The following TUBA1C variants were observed in gnomAD, a reference collection of about 807,000 sequenced individuals.
TUBA1C encodes tubulin alpha-1C chain.
Under a neutral mutation model 34.9 loss-of-function variants are expected in TUBA1C, and 16 were observed. The observed-to-expected ratio is 0.46, with a 90% CI of 0.31 to 0.70. The LOEUF (loss-of-function observed/expected upper bound fraction) is 0.70, where lower values mean the gene tolerates loss of function less well. Among genes scored for constraint, TUBA1C ranks in the 30% least tolerant of loss-of-function variants. The pLI is 0.05. For missense variants in TUBA1C, 329 were observed against 587.3 expected (o/e 0.56, Z 4.55); for synonymous variants, 177 against 215.9 (o/e 0.82, Z 1.58).
At chr12:49,231,211 C>T (rs1208760017) in intron 1 of TUBA1C, among the ~76,000 whole-genome samples, 1 of 152,182 alleles carries the variant, frequency 6.6e-6, no homozygotes, top group Admixed American at 6.5e-5. Flanking sequence ...ATTGCCCAGG[C>T]TGTAGTGCAA....
chr12:49,258,245 G>A (rs1369218863), intron 1 of TUBA1C, among the ~76,000 whole-genome samples: 1 of 152,088 alleles, frequency 6.6e-6, no homozygotes, highest in Admixed American at 6.6e-5. Flanking sequence ...TAGCCTAAGT[G>A]TCAGTGTTTA....
rs1254017336 is a variant in TUBA1C, at chr12:49,273,141, C to G, written c.1264C>G (p.Arg422Gly). 4 of 1,614,004 alleles carry G rather than the reference C, an allele frequency of 2.5e-6. No homozygotes were observed. The highest frequency in any genetic ancestry group is 2.5e-6 in the Non-Finnish European group (3 of 1,180,042). Residue 422 changes from arginine (R) to glycine (G), a missense_variant, in exon 4 of 4, where the codon CGT becomes GGT. Physicochemically the swap from Arg to Gly is moderately radical, Grantham distance 125 (BLOSUM62 -2). Transcript: ENST00000301072. ...GGAGGAAGGCGAGTTTTCAGAGGCCCGTGAGGACATGGCTGCCCTTGAGAA... is the reference window on the plus strand; with the variant it reads ...GGAGGAAGGCGAGTTTTCAGAGGCCGGTGAGGACATGGCTGCCCTTGAGAA... ...GMEEGEFSEAREDMAALEKDY... is the reference protein window; with the variant it reads ...GMEEGEFSEAGEDMAALEKDY...
intron 1 of TUBA1C, among the ~76,000 whole-genome samples, chr12:49,240,716 T>C (rs994310090): frequency 1.3e-5 from 2 of 152,122 alleles, no homozygotes; most frequent in African/African-American, 4.8e-5. Context: ...GCCTTCCGAG[T>C]AGCTGGCACT....
At chr12:49,241,713 G>T (rs1398731935) in intron 1 of TUBA1C, among the ~76,000 whole-genome samples, 1 of 148,246 alleles carries the variant, frequency 6.7e-6, no homozygotes, top group Admixed American at 6.8e-5. Context: ...GCAATGGCGC[G>T]ATCTCAGCTC....
intron 1 of TUBA1C, among the ~76,000 whole-genome samples, chr12:49,248,553 T>C (rs1200893086): frequency 7.2e-6 from 1 of 139,438 alleles, no homozygotes; most frequent in Non-Finnish European, 1.5e-5. Flanking sequence ...ACAGCGAAAC[T>C]CTGTCTCAGA....
At chr12:49,249,905 T>A (rs368439507) in intron 1 of TUBA1C, among the ~76,000 whole-genome samples, 5 of 150,010 alleles carry the variant, frequency 3.3e-5, no homozygotes, top group South Asian at 2.1e-4. Context: ...GCGAAAAAAA[T>A]TTTTAAAAAG....
chr12:49,265,271 G>A, intron 1 of TUBA1C, 87 bp downstream of exon 1: 1 of 1,138,814 alleles, frequency 8.8e-7, no homozygotes, highest in Non-Finnish European at 1.2e-6. Flanking sequence ...CTCGGGCCGC[G>A]CCCAGGACAG....
chr12:49,245,723 T>G (rs1002453051), intron 1 of TUBA1C, among the ~76,000 whole-genome samples: 6 of 152,156 alleles, frequency 3.9e-5, no homozygotes, highest in Non-Finnish European at 8.8e-5. Flanking sequence ...TTTGCCAGGG[T>G]GGGGACTGCT....
intron 1 of TUBA1C, among the ~76,000 whole-genome samples, chr12:49,235,624 A>T: frequency 6.6e-6 from 1 of 151,402 alleles, no homozygotes; most frequent in East Asian, 1.9e-4. Flanking sequence ...AATTCCAGCT[A>T]CTCGGGAGGC....
chr12:49,231,697 T>TAGAC lies in TUBA1C; in HGVS notation c.213+3551_213+3554dup, dbSNP rs541221185. On this transcript the variant is annotated intron_variant, in intron 1 of 3. Transcript: ENST00000541364. The stretch of plus-strand genomic sequence containing the variant: ...AAAAAATAGATGATAGATAGATAGA[T>TAGAC]AGACAGACAGACAGACAGACAGATA... Among the ~76,000 whole-genome samples the TAGAC allele has an allele frequency of 8.5e-3, 1,272 of 150,506 alleles. 40 individuals are homozygous for TAGAC. The South Asian group carries it at 0.11, about 13-fold the overall frequency.
At chr12:49,268,508 G>A (rs1316426598) in intron 1 of TUBA1C, among the ~76,000 whole-genome samples, 1 of 151,934 alleles carries the variant, frequency 6.6e-6, no homozygotes, top group South Asian at 2.1e-4. Flanking sequence ...CTCCCAAAGT[G>A]CTGGGATTAC....
chr12:49,269,423 T>G, intron 1 of TUBA1C, 42 bp from the exon 2 acceptor site: 11 of 1,612,850 alleles, frequency 6.8e-6, no homozygotes, highest in South Asian at 1.1e-5. Flanking sequence ...ATGTCCCATC[T>G]GATGTATTAT....
chr12:49,248,920 G>A (rs1224213726), intron 1 of TUBA1C, among the ~76,000 whole-genome samples: 1 of 150,820 alleles, frequency 6.6e-6, no homozygotes, highest in African/African-American at 2.4e-5. Context: ...AGAGATCTGG[G>A]AAATCCCTAT....
At chr12:49,252,512 A>G (rs1057337766) in intron 1 of TUBA1C, among the ~76,000 whole-genome samples, 3 of 152,232 alleles carry the variant, frequency 2.0e-5, no homozygotes, top group African/African-American at 7.2e-5. Flanking sequence ...ATGAACTGAG[A>G]GTGAGAATAG....
chr12:49,231,717 C>CAGACAGACAGATAGATAGATAGATAGAT (rs1411016546), intron 1 of TUBA1C, among the ~76,000 whole-genome samples: 35 of 151,268 alleles, frequency 2.3e-4, no homozygotes, highest in African/African-American at 8.6e-4. Context: ...GACAGACAGA[C>CAGACAGACAGATAGATAGATAGATAGAT]AGATAGATAG....
rs555926769 is a variant in TUBA1C at position 49,269,563 on chromosome 12, C to T, written c.102C>T (p.Gly34=). ...TGGAACACGGCATCCAGCCCGATGG[C>T]CAGATGCCAAGTGACAAGACCATTG... The part of the protein sequence containing the change: ...YCLEHGIQPD[G]QMPSDKTIGG... The change falls in exon 2 of 4, where the codon GGC becomes GGT. Residue 34 remains glycine, a synonymous_variant. Coordinates refer to ENST00000301072, the MANE Select transcript of TUBA1C (RefSeq NM_032704.5). The T allele has an allele frequency of 1.6e-5, 26 of 1,614,226 alleles. No homozygotes were observed. The South Asian group carries it at 2.2e-4, about 14-fold the overall frequency.
intron 1 of TUBA1C, among the ~76,000 whole-genome samples, chr12:49,246,117 G>A (rs540251307): frequency 6.6e-6 from 1 of 151,778 alleles, no homozygotes; most frequent in African/African-American, 2.4e-5. Flanking sequence ...TGTTAGCCAG[G>A]CTGGTCTCAA....
chr12:49,255,355 G>C (rs1413503453), intron 1 of TUBA1C, among the ~76,000 whole-genome samples: 1 of 150,548 alleles, frequency 6.6e-6, no homozygotes, highest in East Asian at 1.9e-4. Context: ...TCTGTTGCTT[G>C]CTAAGAAACC....
At position 49,273,017 on chromosome 12, in the gene TUBA1C, T is replaced by C. The variant is rs140667726; in HGVS notation, c.1140T>C (p.Asn380=). Residue 380 remains asparagine (N), a synonymous_variant, in exon 4 of 4, where the codon AAT becomes AAC. Coordinates refer to ENST00000301072, the MANE Select transcript of TUBA1C (RefSeq NM_032704.5). ...AGAGAGCTGTGTGCATGCTGAGCAA[T>C]ACCACAGCTGTTGCCGAGGCCTGGG... ...KVQRAVCMLS[N]TTAVAEAWAR... The C allele has an allele frequency of 1.2e-4, 186 of 1,614,166 alleles. 2 individuals carry two copies. The East Asian group carries it at 2.0e-3, about 18-fold the overall frequency.
Sources: allele counts gnomAD v4.1 joint callset (sites outside exome capture counted in the v4.1 genomes callset), GRCh38; gene constraint gnomAD v4.1.1; transcripts MANE v1.5; gene names NCBI Gene and HGNC (gene_info 2026-07-23, HGNC 2026-07-21).